The following CTNNA2 variants were observed in gnomAD, a reference collection of about 807,000 sequenced individuals.
CTNNA2 encodes the protein catenin alpha-2.
Under a neutral mutation model 101.0 loss-of-function variants are expected in CTNNA2, and 42 were observed. The ratio of observed to expected loss-of-function variants is 0.42; its 90% CI spans 0.32 to 0.54. The LOEUF (loss-of-function observed/expected upper bound fraction) is 0.54. CTNNA2 is among the 20% of genes least tolerant of loss of function. The pLI, the probability that CTNNA2 is intolerant of heterozygous loss-of-function variation, is 0.14. For missense variants in CTNNA2, 871 were observed against 1,223.1 expected (o/e 0.71, Z 4.29); for synonymous variants, 450 against 456.4 (o/e 0.99, Z 0.18).
At chr2:80,341,225 G>A (rs1273246654) in intron 7 of CTNNA2, among the ~76,000 whole-genome samples, 1 of 152,054 alleles carries the variant, frequency 6.6e-6, no homozygotes, top group Non-Finnish European at 1.5e-5. Context: ...CCAAGCTCCA[G>A]CTCCTACCTC....
At chr2:80,037,296 A>C (rs996243699) in intron 7 of CTNNA2, among the ~76,000 whole-genome samples, 2 of 152,130 alleles carry the variant, frequency 1.3e-5, no homozygotes, top group Non-Finnish European at 2.9e-5. Context: ...CAATAAGGTA[A>C]ATTTTCTCAT....
intron 7 of CTNNA2, among the ~76,000 whole-genome samples, chr2:80,287,277 G>A (rs1674850513): frequency 6.6e-6 from 1 of 152,144 alleles, no homozygotes; most frequent in South Asian, 2.1e-4. Flanking sequence ...GCATCTTTTG[G>A]TTATTTTGGG....
At chr2:79,767,806 A>T (rs1003476051) in intron 3 of CTNNA2, among the ~76,000 whole-genome samples, 1 of 151,538 alleles carries the variant, frequency 6.6e-6, no homozygotes, top group Non-Finnish European at 1.5e-5. Flanking sequence ...ATGGTATCCA[A>T]GATGCAAGGC....
intron 7 of CTNNA2, among the ~76,000 whole-genome samples, chr2:80,185,933 A>T (rs1706098241): frequency 6.6e-6 from 1 of 152,186 alleles, no homozygotes; most frequent in Non-Finnish European, 1.5e-5. Flanking sequence ...CTGGCAACAT[A>T]AGCCATATAA....
At chr2:79,606,683 A>G (rs1458437487) in intron 1 of CTNNA2, among the ~76,000 whole-genome samples, 1 of 152,220 alleles carries the variant, frequency 6.6e-6, no homozygotes, top group African/African-American at 2.4e-5. Flanking sequence ...TCAGTGCCCT[A>G]TTTTAAGATT....
At chr2:79,857,110 C>T (rs1006703250) in intron 3 of CTNNA2, among the ~76,000 whole-genome samples, 1 of 152,214 alleles carries the variant, frequency 6.6e-6, no homozygotes, top group African/African-American at 2.4e-5. Flanking sequence ...CAGCATGGGG[C>T]TCCAGGCTTC....
chr2:80,366,167 C>T (rs1450710173), intron 7 of CTNNA2, among the ~76,000 whole-genome samples: 2 of 152,152 alleles, frequency 1.3e-5, no homozygotes, highest in East Asian at 3.9e-4. Context: ...TCTGGTCCCA[C>T]CTCTTGGGCA....
intron 2 of CTNNA2, among the ~76,000 whole-genome samples, chr2:79,673,003 C>T (rs1006764638): frequency 6.6e-6 from 1 of 151,904 alleles, no homozygotes; most frequent in Non-Finnish European, 1.5e-5. Flanking sequence ...CCACAGGGCA[C>T]GGCCTCTGTG....
intron 4 of CTNNA2, among the ~76,000 whole-genome samples, chr2:79,390,071 T>G (rs1296525985): frequency 6.6e-6 from 1 of 152,172 alleles, no homozygotes; most frequent in Non-Finnish European, 1.5e-5. Flanking sequence ...TCTGAGTATC[T>G]TCATCAACTT....
At chr2:80,351,772 G>C (rs1439846759) in intron 7 of CTNNA2, among the ~76,000 whole-genome samples, 1 of 152,028 alleles carries the variant, frequency 6.6e-6, no homozygotes, top group East Asian at 1.9e-4. Flanking sequence ...GCCAAATTCG[G>C]TACTTTAGTC....
At chr2:80,005,757 A>G (rs950209619) in intron 7 of CTNNA2, among the ~76,000 whole-genome samples, 1 of 139,352 alleles carries the variant, frequency 7.2e-6, no homozygotes, top group African/African-American at 2.6e-5. Flanking sequence ...ACTCAAGTTT[A>G]TCACTATGTT....
intron 7 of CTNNA2, among the ~76,000 whole-genome samples, chr2:80,066,943 AGAT>A (rs1188269580): frequency 6.6e-6 from 1 of 152,182 alleles, no homozygotes; most frequent in African/African-American, 2.4e-5. Flanking sequence ...GCAAAAATAT[AGAT>A]GAATCTGGAG....
At chr2:79,344,749 T>G (rs1677216364) in intron 3 of CTNNA2, among the ~76,000 whole-genome samples, 1 of 149,864 alleles carries the variant, frequency 6.7e-6, no homozygotes, top group Admixed American at 6.7e-5. Context: ...TCTTGCAAGC[T>G]ATGTGATTTT....
rs1695595211 is a variant in CTNNA2, at chr2:80,582,147, A to T, written c.2007+328A>T. ...TGATAGGGGACACTGGAATACTCAA[A>T]TTTTGCATTGGCACAGTCACCATTG... On this transcript the variant is annotated intron_variant, in intron 14 of 18. Transcript: ENST00000402739. 3.3e-5 allele frequency among the ~76,000 whole-genome samples: 5 copies of T among 152,226 alleles called. No individual in the cohort carries two copies. The South Asian group carries it at 8.3e-4, about 25-fold the overall frequency.
intron 9 of CTNNA2, among the ~76,000 whole-genome samples, chr2:80,526,933 C>G (rs1381053361): frequency 6.6e-6 from 1 of 152,146 alleles, no homozygotes; most frequent in Non-Finnish European, 1.5e-5. Flanking sequence ...TTTTGTCACC[C>G]TTCTAACATT....
At chr2:80,347,833 C>CT in intron 7 of CTNNA2, among the ~76,000 whole-genome samples, 1 of 133,624 alleles carries the variant, frequency 7.5e-6, no homozygotes, top group African/African-American at 3.0e-5. Flanking sequence ...TTTCCTTTTT[C>CT]TTTTCTTTTC....
intron 2 of CTNNA2, among the ~76,000 whole-genome samples, chr2:79,243,009 C>CACAT (rs1553385632): frequency 2.5e-5 from 3 of 120,124 alleles, no homozygotes; most frequent in African/African-American, 2.7e-5. Flanking sequence ...CACACACACA[C>CACAT]ACACACACAC....
At chr2:80,512,022 C>T (rs1338104636) in intron 9 of CTNNA2, among the ~76,000 whole-genome samples, 1 of 151,680 alleles carries the variant, frequency 6.6e-6, no homozygotes, top group Non-Finnish European at 1.5e-5. Flanking sequence ...TAGTGGTGGG[C>T]ACCTGTAATC....
chr2:79,947,362 A>G (rs1688568144), intron 7 of CTNNA2, among the ~76,000 whole-genome samples: 1 of 152,202 alleles, frequency 6.6e-6, no homozygotes, highest in African/African-American at 2.4e-5. Context: ...AGTTGGGTCT[A>G]GAAGATTTAT....
Sources: gnomAD v4.1 joint callset for allele counts (sites outside exome capture counted in the v4.1 genomes callset) on GRCh38, gnomAD v4.1.1 for gene constraint, MANE v1.5 for transcripts, NCBI Gene and HGNC (gene_info 2026-07-23, HGNC 2026-07-21) for gene names.